The following UBE2O variants were observed in gnomAD, a reference collection of about 807,000 sequenced individuals.
UBE2O encodes the protein (E3-independent) E2 ubiquitin-conjugating enzyme.
In UBE2O, 15 loss-of-function variants were observed where a neutral mutation model predicts 125.8. That is an observed-to-expected ratio of 0.12 (90% CI 0.08 to 0.18). The LOEUF (loss-of-function observed/expected upper bound fraction) is 0.18. Among genes scored for constraint, UBE2O ranks in the 10% least tolerant of loss-of-function variants. UBE2O has a pLI of 1.00. For missense variants in UBE2O, 1,280 were observed against 1,723.6 expected (o/e 0.74, Z 4.56); for synonymous variants, 708 against 703.2 (o/e 1.01, Z -0.11).
chr17:76,397,733 C>A (rs2072238969), intron 13 of UBE2O, 66 bp downstream of exon 13: 1 of 1,504,648 alleles, frequency 6.6e-7, no homozygotes, highest in East Asian at 2.3e-5. Context: ...TGGCTACACG[C>A]CTGTGGCCCC....
chr17:76,410,014 T>C lies in UBE2O; in HGVS notation c.418-4442A>G, dbSNP rs1204309289. On this transcript the variant is annotated intron_variant, in intron 1 of 17. Transcript: ENST00000319380. This position sits in a 1 kb window ranked among gnomAD's most constrained non-coding sequence, Gnocchi z 4.0. ...GGTGATGCTGAACCAGAGATCGGGA[T>C]GAGATGGGGAATGAGCTTACCAAGC... Among the ~76,000 whole-genome samples the C allele has an allele frequency of 2.0e-5, 3 of 151,790 alleles. No individual in the cohort carries two copies. Among genetic ancestry groups the C allele is most frequent in the South Asian group, 4.2e-4 (2 of 4,808 alleles).
In UBE2O at chr17:76,399,083, G is replaced by A; in HGVS notation, c.1629-92C>T. The A allele has an allele frequency of 6.7e-7, 1 of 1,485,584 alleles. No homozygotes were observed. The highest frequency in any genetic ancestry group is 2.3e-4 in the Middle Eastern group (1 of 4,278). The allele number at this position is 1,485,584 out of a possible 1,614,324, so 92.0% of individuals were successfully genotyped here. ...TTTCTGTCCCTTCCTGTCCCTGTGGGCTTGGTAACCTGAAACTCTGAATCC... is the reference window on the plus strand; with the variant it reads ...TTTCTGTCCCTTCCTGTCCCTGTGGACTTGGTAACCTGAAACTCTGAATCC... On this transcript the variant is annotated intron_variant, in intron 9 of 17. Coordinates refer to ENST00000319380, the MANE Select transcript of UBE2O (RefSeq NM_022066.4). This position sits in a 1 kb window ranked among gnomAD's most constrained non-coding sequence, Gnocchi z 6.9.
intron 1 of UBE2O, among the ~76,000 whole-genome samples, chr17:76,437,546 A>T (rs1339406542): frequency 6.6e-6 from 1 of 152,190 alleles, no homozygotes; most frequent in Non-Finnish European, 1.5e-5. Context: ...TAATCCAAAT[A>T]AAAGTGTATG....
Position 76,391,930 on chromosome 17 carries a change from G to A in UBE2O, c.3130C>T (p.Leu1044=). The stretch of plus-strand genomic sequence containing the variant: ...CTCACCTTTCCAATCCAGGTGCCCA[G>A]GAGGCTGACACACACCTTCCCATTG... The part of the protein sequence containing the change: ...YDNGKVCVSL[L]GTWIGKGTER... The change falls in exon 16 of 18, where the codon CTG becomes TTG. Residue 1044 remains leucine, a synonymous_variant. Transcript: ENST00000319380. The surrounding 1 kb of genome is among the most constrained non-coding windows in gnomAD (Gnocchi z 8.4). 2 of 1,612,944 alleles carry A rather than the reference G, an allele frequency of 1.2e-6. No homozygotes were observed. Among genetic ancestry groups the A allele is most frequent in the Non-Finnish European group, 1.7e-6 (2 of 1,179,678 alleles).
At position 76,399,484 on chromosome 17, in the gene UBE2O, C is replaced by T. The variant is rs1243537256; in HGVS notation, c.1593G>A (p.Lys531=). ...GCTTGAAGTCTCGAGTGATTTTATT[C>T]TTCTTCCTCTTGTGTTTGCGCTTTA... is the stretch of plus-strand genomic sequence containing the variant. ...KNLKRKHKRK[K]NKITRDFKPG... Residue 531 remains lysine, a synonymous_variant, in exon 9 of 18, where the codon AAG becomes AAA. Transcript: ENST00000319380. This position sits in a 1 kb window ranked among gnomAD's most constrained non-coding sequence, Gnocchi z 6.9. 6 of 1,613,682 alleles carry T rather than the reference C, an allele frequency of 3.7e-6. No homozygotes were observed. The highest frequency in any genetic ancestry group is 2.5e-6 in the Non-Finnish European group (3 of 1,179,654).
In UBE2O at chr17:76,390,186, C is replaced by T; in HGVS notation, c.*757G>A. The T allele has an allele frequency of 6.5e-6, 1 of 152,984 alleles. No individual in the cohort carries two copies. The highest frequency in any genetic ancestry group is 1.5e-5 in the Non-Finnish European group (1 of 68,218). 9.5% of individuals were successfully genotyped at this position (152,984 alleles called of 1,614,324 possible). On this transcript the variant is annotated 3_prime_UTR_variant, in exon 18 of 18. Coordinates refer to ENST00000319380, the MANE Select transcript of UBE2O (RefSeq NM_022066.4). ...CTTGTGCAGCTGCTCTTGCCCCCAG[C>T]AGCCTCCGACAGAAGAGCAAGGCAC...
Position 76,391,297 on chromosome 17 carries a change from G to A in UBE2O, c.3525C>T (p.Ala1175=), listed in dbSNP as rs372648373. The A allele has an allele frequency of 5.0e-6, 8 of 1,612,732 alleles. No individual in the cohort carries two copies. Among genetic ancestry groups the A allele is most frequent in the South Asian group, 2.2e-5 (2 of 91,072 alleles). ...CTTGTTGGCCGGAGTCTGACAGCTC[G>A]GCTACAGCTGGGGGCTCTGGCGAGC... ...ASSSPEPPAV[A]ELSDSGQQEP... is the part of the protein sequence containing the mutation. Residue 1175 remains alanine, a synonymous_variant, in exon 18 of 18, where the codon GCC becomes GCT. Transcript: ENST00000319380. This position sits in a 1 kb window ranked among gnomAD's most constrained non-coding sequence, Gnocchi z 8.4.
At chr17:76,397,491 T>C (rs568274993) in intron 13 of UBE2O, among the ~76,000 whole-genome samples, 47 of 152,256 alleles carry the variant, frequency 3.1e-4, no homozygotes, top group Non-Finnish European at 5.3e-4. Flanking sequence ...AGTCTCCATC[T>C]CCTTTTAGGA....
chr17:76,422,146 T>G (rs1392277623), intron 1 of UBE2O, among the ~76,000 whole-genome samples: 3 of 152,190 alleles, frequency 2.0e-5, no homozygotes, highest in Non-Finnish European at 2.9e-5. Flanking sequence ...CCCAAAATGC[T>G]AGTTCTCGTG....
rs151288373 is a variant in UBE2O at position 76,404,135 on chromosome 17, G to C, written c.588+1071C>G. ...AACATCAGAGCAATGGCTGGCGCAG[G>C]GGGAACTGTGAATGGAGGCCAAAGC... is the stretch of plus-strand genomic sequence containing the variant. On this transcript the variant is annotated intron_variant, in intron 3 of 17. Coordinates refer to ENST00000319380, the MANE Select transcript of UBE2O (RefSeq NM_022066.4). This position sits in a 1 kb window ranked among gnomAD's most constrained non-coding sequence, Gnocchi z 4.3. Among the ~76,000 whole-genome samples the C allele has an allele frequency of 1.2e-3, 177 of 152,332 alleles. 1 individual carries two copies. The highest frequency in any genetic ancestry group is 4.0e-3 in the African/African-American group (167 of 41,574).
In UBE2O at chr17:76,400,572, C is replaced by T. The variant is rs772768774; in HGVS notation, c.895-22G>A. 72 of 1,556,720 alleles carry T rather than the reference C, an allele frequency of 4.6e-5. No homozygotes were observed. In the South Asian group the frequency reaches 5.5e-4, roughly 12 times the overall value. ...GCACCTGGGGATGGCAGGTGGGACA[C>T]GCCAGTCAGGGCAGGCTCTGACAGC... On this transcript the variant is annotated intron_variant, in intron 6 of 17. Coordinates refer to ENST00000319380, the MANE Select transcript of UBE2O (RefSeq NM_022066.4). This position sits in a 1 kb window ranked among gnomAD's most constrained non-coding sequence, Gnocchi z 4.3.
At position 76,405,259 on chromosome 17, in the gene UBE2O, C is replaced by A; in HGVS notation, c.535G>T (p.Gly179Cys). Residue 179 changes from glycine (G) to cysteine (C), a missense_variant, in exon 3 of 18, where the codon GGC becomes TGC. Transcript: ENST00000319380. The surrounding 1 kb of genome is among the most constrained non-coding windows in gnomAD (Gnocchi z 6.1). ...ACGGGATAGATGATGCAGTTGGTGC[C>A]GATGAGCTTGACGGCACAGTCGATG... Reference protein sequence around the residue: ...VNIDCAVKLIGTNCIIYPVNS... With the variant: ...VNIDCAVKLICTNCIIYPVNS... 1 of 1,613,486 alleles carries A rather than the reference C, an allele frequency of 6.2e-7. No individual in the cohort carries two copies. Among genetic ancestry groups the A allele is most frequent in the Non-Finnish European group, 8.5e-7 (1 of 1,179,664 alleles).
intron 3 of UBE2O, among the ~76,000 whole-genome samples, chr17:76,403,172 T>C (rs1287707058): frequency 6.7e-6 from 1 of 150,146 alleles, no homozygotes; most frequent in African/African-American, 2.4e-5. Flanking sequence ...AGGTGTTTAC[T>C]AACAGAAAGG....
Position 76,395,612 on chromosome 17 carries a change from G to A in UBE2O, c.2946+113C>T. ...CCCTGTAAAAGGTGGGTGGGTGAGT[G>A]TCCTCGCAGGTGCCAGTCAGCCCCG... On this transcript the variant is annotated intron_variant, in intron 15 of 17. Coordinates refer to ENST00000319380, the MANE Select transcript of UBE2O (RefSeq NM_022066.4). This position sits in a 1 kb window ranked among gnomAD's most constrained non-coding sequence, Gnocchi z 5.0. The A allele has an allele frequency of 7.5e-7, 1 of 1,339,590 alleles. No homozygotes were observed. The highest frequency in any genetic ancestry group is 1.0e-6 in the Non-Finnish European group (1 of 983,380). 83.0% of individuals were successfully genotyped at this position (1,339,590 alleles called of 1,614,324 possible).
chr17:76,451,802 G>C (rs954579388), intron 1 of UBE2O, among the ~76,000 whole-genome samples: 1 of 151,810 alleles, frequency 6.6e-6, no homozygotes, highest in African/African-American at 2.4e-5. Context: ...GTGTGTGTGT[G>C]TCAATTACTG....
intron 1 of UBE2O, chr17:76,430,529 T>A: frequency 4.0e-6 from 1 of 248,618 alleles, no homozygotes; most frequent in Non-Finnish European, 8.0e-6. Flanking sequence ...AGAGGATAAC[T>A]TGAAGGGCCA....
intron 1 of UBE2O, among the ~76,000 whole-genome samples, chr17:76,413,903 T>C (rs1221175287): frequency 6.6e-6 from 1 of 152,220 alleles, no homozygotes; most frequent in Non-Finnish European, 1.5e-5. Flanking sequence ...AAATGGGGCC[T>C]CCTGTTGGAG....
Position 76,402,468 on chromosome 17 carries a change from G to A in UBE2O, c.686+134C>T. 1.3e-6 allele frequency: 1 copy of A among 789,602 alleles called. No homozygotes were observed. 48.9% of individuals were successfully genotyped at this position (789,602 alleles called of 1,614,324 possible). A position where few individuals can be genotyped will look rare whatever the true frequency, so the allele number is the denominator to read the frequency against. On this transcript the variant is annotated intron_variant, in intron 4 of 17. Coordinates refer to ENST00000319380, the MANE Select transcript of UBE2O (RefSeq NM_022066.4). The surrounding 1 kb of genome is among the most constrained non-coding windows in gnomAD (Gnocchi z 5.4). ...GAGAACGGTACAGGGTTAGGCCCTG[G>A]ATGCCTGCAACATCTGTCACTGCCC...
chr17:76,394,857 A>G (rs346816), intron 15 of UBE2O, among the ~76,000 whole-genome samples: 9,738 of 151,638 alleles, frequency 0.064, 382 homozygotes, highest in South Asian at 0.13. Context: ...AGGAGTAATC[A>G]TAATATAATT....
Sources: gnomAD v4.1 joint callset for allele counts (sites outside exome capture counted in the v4.1 genomes callset) on GRCh38, gnomAD v4.1.1 for gene constraint, Gnocchi (gnomAD v3.1) non-coding constraint, MANE v1.5 for transcripts, NCBI Gene and HGNC (gene_info 2026-07-23, HGNC 2026-07-21) for gene names.